The following ANKRD30B variants were observed in gnomAD, a reference collection of about 807,000 sequenced individuals.
The protein encoded by ANKRD30B is ankyrin repeat domain-containing protein 30B.
Under a neutral mutation model 202.2 loss-of-function variants are expected in ANKRD30B, and 144 were observed. The observed-to-expected ratio is 0.71, with a 90% CI of 0.62 to 0.82. ANKRD30B has a LOEUF of 0.82. ANKRD30B is among the 40% of genes least tolerant of loss of function. The probability of loss-of-function intolerance (pLI) is 0.00; values close to 1 mark genes in which losing one functional copy is unlikely to be tolerated. For missense variants in ANKRD30B, 1,487 were observed against 1,669.1 expected, an observed-to-expected ratio of 0.89 and a Z score of 1.90; for synonymous variants, 508 against 561.3, an observed-to-expected ratio of 0.91 and a Z score of 1.34.
chr18:14,927,772 T>C, the ANKRD30B span, among the ~76,000 whole-genome samples: 9 of 152,362 alleles, frequency 5.9e-5, no homozygotes, highest in African/African-American at 2.2e-4. Flanking sequence ...GCTAACTTAG[T>C]AGCTATCTCA....
At chr18:14,817,205 G>A (rs1338450245) in intron 30 of ANKRD30B, 1 of 152,112 alleles carries the variant, frequency 6.6e-6, no homozygotes, top group Non-Finnish European at 1.5e-5. Context: ...TTAAGTGTAT[G>A]TCTTACTTCA....
chr18:14,765,591 C>A (rs1915997893), intron 7 of ANKRD30B, among the ~76,000 whole-genome samples: 1 of 152,162 alleles, frequency 6.6e-6, no homozygotes, highest in African/African-American at 2.4e-5. Flanking sequence ...GGCATGATTG[C>A]ACTCCAAGAA....
At chr18:14,767,920 G>A (rs893986029) in intron 7 of ANKRD30B, among the ~76,000 whole-genome samples, 5 of 152,190 alleles carry the variant, frequency 3.3e-5, no homozygotes, top group African/African-American at 4.8e-5. Flanking sequence ...ATTATATTGT[G>A]AAATCTATAT....
rs1277557527 is a variant in ANKRD30B at position 14,851,671 on chromosome 18, G to A, written c.3727G>A (p.Ala1243Thr). 8 of 1,610,674 alleles carry A rather than the reference G, an allele frequency of 5.0e-6. No homozygotes were observed. The highest frequency in any genetic ancestry group is 1.1e-5 in the South Asian group (1 of 90,600). ...CATTAAGATTTTACAAGAAAAGAATGCTGAACTTCAAATGACCCTAAAACT... is the reference window on the plus strand; with the variant it reads ...CATTAAGATTTTACAAGAAAAGAATACTGAACTTCAAATGACCCTAAAACT... ...EDIKILQEKN[A>T]ELQMTLKLKQ... The change falls in exon 42 of 44, where the codon GCT (alanine) becomes ACT (threonine). Residue 1243 changes from alanine (A) to threonine (T), a missense_variant. Around this residue, in one of 6 missense-constraint regions of ANKRD30B, gnomAD observed 177 missense variants for 216.4 expected, o/e 0.82. Transcript: ENST00000690538.
intron 6 of ANKRD30B, among the ~76,000 whole-genome samples, chr18:14,761,255 T>C (rs1915215727): frequency 6.6e-6 from 1 of 152,120 alleles, no homozygotes; most frequent in African/African-American, 2.4e-5. Flanking sequence ...CAGACACCCA[T>C]ATTCAGTGAA....
At chr18:14,898,561 C>T in the ANKRD30B span, among the ~76,000 whole-genome samples, 2 of 152,132 alleles carry the variant, frequency 1.3e-5, no homozygotes, top group African/African-American at 2.4e-5. Flanking sequence ...CTGCCGCAAA[C>T]TGGTATTTTA....
At chr18:14,918,831 G>T in the ANKRD30B span, among the ~76,000 whole-genome samples, 164 of 152,302 alleles carry the variant, frequency 1.1e-3, no homozygotes, top group Non-Finnish European at 1.8e-3. Context: ...CGATAGTGTT[G>T]GGAGGTGGGG....
intron 7 of ANKRD30B, among the ~76,000 whole-genome samples, chr18:14,765,462 GAA>G (rs56315734): frequency 0.016 from 2,320 of 143,800 alleles, 66 homozygotes; most frequent in African/African-American, 0.053. Context: ...CACTCCATCT[GAA>G]AAAAAAAAAA....
chr18:14,885,457 T>C, the ANKRD30B span, among the ~76,000 whole-genome samples: 1 of 152,028 alleles, frequency 6.6e-6, no homozygotes, highest in Non-Finnish European at 1.5e-5. Flanking sequence ...AAAAATCACA[T>C]GAGTCTTAAG....
intron 34 of ANKRD30B, among the ~76,000 whole-genome samples, chr18:14,836,258 C>G (rs1426348452): frequency 1.3e-5 from 2 of 152,104 alleles, no homozygotes; most frequent in Admixed American, 6.6e-5. Flanking sequence ...CTGAAAACAT[C>G]ATTTTTATTT....
chr18:14,866,009 T>C, the ANKRD30B span, among the ~76,000 whole-genome samples: 59 of 152,304 alleles, frequency 3.9e-4, no homozygotes, highest in African/African-American at 1.3e-3. Context: ...GATTGGACTT[T>C]GTTATCATGT....
At chr18:14,809,783 T>C (rs1029801488) in intron 26 of ANKRD30B, among the ~76,000 whole-genome samples, 4 of 151,108 alleles carry the variant, frequency 2.6e-5, no homozygotes, top group African/African-American at 9.8e-5. Context: ...GCATTGCATC[T>C]TTCATTCCAT....
chr18:14,872,285 G>C, the ANKRD30B span, among the ~76,000 whole-genome samples: 11 of 152,142 alleles, frequency 7.2e-5, no homozygotes, highest in African/African-American at 2.7e-4. Flanking sequence ...AAGCCCCAAG[G>C]GTTTCTCCTA....
chr18:14,782,370 G>T (rs199936800), intron 11 of ANKRD30B, among the ~76,000 whole-genome samples, 157 bp from the exon 12 acceptor site: 6 of 78,568 alleles, frequency 7.6e-5, no homozygotes, highest in Admixed American at 1.2e-4. Flanking sequence ...ATATGTGAGG[G>T]TTTCCATCAA....
At position 14,789,275 on chromosome 18, in the gene ANKRD30B, A is replaced by C. The variant is rs149942336; in HGVS notation, c.1735-2126A>C. Among the ~76,000 whole-genome samples the C allele has an allele frequency of 8.7e-3, 1,319 of 152,322 alleles. 30 individuals carry two copies. Among genetic ancestry groups the C allele is most frequent in the South Asian group, 0.036 (176 of 4,824 alleles). ...TTGTAAATTTGTTTGAGTTCATTGT[A>C]GATTCTGGATATTAGCCCTTTGTCA... On this transcript the variant is annotated intron_variant, in intron 15 of 43. Coordinates refer to ENST00000690538, the MANE Select transcript of ANKRD30B (RefSeq NM_001367607.2).
the ANKRD30B span, among the ~76,000 whole-genome samples, chr18:14,863,528 A>G: frequency 6.6e-6 from 1 of 152,096 alleles, no homozygotes; most frequent in Non-Finnish European, 1.5e-5. Context: ...TGCCTGCACA[A>G]CTATAAACCA....
At chr18:14,811,173 T>A (rs1969893350) in intron 28 of ANKRD30B, among the ~76,000 whole-genome samples, 1 of 151,612 alleles carries the variant, frequency 6.6e-6, no homozygotes, top group Non-Finnish European at 1.5e-5. Context: ...TGTGTAGAAT[T>A]TGTTTTGACG....
the ANKRD30B span, among the ~76,000 whole-genome samples, chr18:14,889,699 T>C: frequency 0.13 from 19,995 of 149,674 alleles, 1,561 homozygotes; most frequent in East Asian, 0.26. Context: ...AAATTTTGGA[T>C]TTTAAATATC....
intron 5 of ANKRD30B, among the ~76,000 whole-genome samples, chr18:14,760,230 C>G (rs1430600659): frequency 6.6e-6 from 1 of 152,140 alleles, no homozygotes; most frequent in East Asian, 1.9e-4. Flanking sequence ...AGAGAAGCAA[C>G]TTGTTCAAGA....
Sources: allele counts gnomAD v4.1 joint callset (sites outside exome capture counted in the v4.1 genomes callset), GRCh38; gene constraint gnomAD v4.1.1; regional missense constraint gnomAD v4.1.1; transcripts MANE v1.5; gene names NCBI Gene and HGNC (gene_info 2026-07-23, HGNC 2026-07-21).